The following CASK variants were observed in gnomAD, a reference collection of about 807,000 sequenced individuals.
CASK encodes calcium/calmodulin dependent serine protein kinase.
CASK carries 4 observed loss-of-function variants against 82.9 expected under a neutral mutation model. The ratio of observed to expected loss-of-function variants is 0.05; its 90% CI spans 0.02 to 0.11. The LOEUF (loss-of-function observed/expected upper bound fraction) is 0.11, where lower values mean the gene tolerates loss of function less well. CASK is among the 10% of genes least tolerant of loss of function. CASK has a pLI of 1.00. For synonymous variants in CASK, 259 were observed against 253.5 expected (o/e 1.02, Z -0.20); for missense variants, 358 against 720.9 (o/e 0.50, Z 5.76).
intron 3 of CASK, among the ~76,000 whole-genome samples, chrX:41,752,068 A>AC (rs1261080111): frequency 1.0e-5 from 1 of 99,756 alleles, no homozygotes; most frequent in Non-Finnish European, 2.1e-5. Context: ...AAAAAAACAC[A>AC]AAAAAAAAAC....
chrX:41,884,388 A>C (rs2072010689), intron 1 of CASK, among the ~76,000 whole-genome samples: 1 of 111,914 alleles, frequency 8.9e-6, no homozygotes, highest in Non-Finnish European at 1.9e-5. Flanking sequence ...TCAAAGACTT[A>C]AAAGTTGGAT....
intron 2 of CASK, among the ~76,000 whole-genome samples, chrX:41,816,928 C>T (rs1320547096): frequency 1.8e-5 from 2 of 111,717 alleles, no homozygotes; most frequent in African/African-American, 3.2e-5. Context: ...ACCACATCTA[C>T]ACAAACCTTT....
At chrX:41,681,463 C>T (rs2067353349) in intron 5 of CASK, among the ~76,000 whole-genome samples, 1 of 111,919 alleles carries the variant, frequency 8.9e-6, no homozygotes, top group Non-Finnish European at 1.9e-5. Context: ...GTTGCTGTTG[C>T]AGTGAGCTCA....
chrX:41,881,234 C>A (rs1273289498), intron 1 of CASK, among the ~76,000 whole-genome samples: 1 of 111,653 alleles, frequency 9.0e-6, no homozygotes, highest in Non-Finnish European at 1.9e-5. Context: ...AAGCACAAGA[C>A]TGCAGTATAC....
In CASK at chrX:41,581,209, G is replaced by A. The variant is rs183568248; in HGVS notation, c.1315-2681C>T. On this transcript the variant is annotated intron_variant, in intron 14 of 26. Coordinates refer to ENST00000378163, the MANE Select transcript of CASK (RefSeq NM_001367721.1). ...GTCTGGGCAACAAAGTGAGACCCCC[G>A]TCTCTACAAAAAATAAAAAAAAGTA... 6.5e-4 allele frequency among the ~76,000 whole-genome samples: 71 copies of A among 109,998 alleles called. 1 individual carries two copies. Among genetic ancestry groups the A allele is most frequent in the Non-Finnish European group, 2.1e-4 (11 of 52,683 alleles).
At chrX:41,758,210 G>A (rs757186502) in intron 3 of CASK, among the ~76,000 whole-genome samples, 2 of 110,966 alleles carry the variant, frequency 1.8e-5, no homozygotes, top group South Asian at 3.8e-4. Context: ...CCAGGCGGGC[G>A]GATAGCCTGA....
At chrX:41,573,518 T>A (rs6609150) in intron 15 of CASK, among the ~76,000 whole-genome samples, 1,953 of 111,536 alleles carry the variant, frequency 0.018, 38 homozygotes, top group African/African-American at 0.06. Context: ...AAATTCTTTT[T>A]CTTGCTGTGT....
intron 5 of CASK, among the ~76,000 whole-genome samples, chrX:41,682,831 T>C (rs1361454771): frequency 2.7e-5 from 3 of 109,874 alleles, no homozygotes; most frequent in Non-Finnish European, 5.7e-5. Flanking sequence ...CCCAGGCTCA[T>C]CTCAAACTCC....
chrX:41,783,446 G>A (rs1385255465), intron 3 of CASK, among the ~76,000 whole-genome samples: 2 of 107,848 alleles, frequency 1.9e-5, no homozygotes, highest in Non-Finnish European at 3.8e-5. Context: ...GTGCCTGGGA[G>A]GCTGAGGGAG....
intron 2 of CASK, among the ~76,000 whole-genome samples, chrX:41,850,373 T>G (rs893759477): frequency 9.0e-6 from 1 of 110,894 alleles, no homozygotes; most frequent in Non-Finnish European, 1.9e-5. Flanking sequence ...AGATAACCCT[T>G]TAAAGACCTA....
chrX:41,577,835 T>C (rs1006540156), intron 15 of CASK, among the ~76,000 whole-genome samples: 3 of 111,747 alleles, frequency 2.7e-5, no homozygotes, highest in African/African-American at 9.8e-5. Flanking sequence ...AATTGATTCA[T>C]ATTAAGTAGG....
At chrX:41,524,072 G>A in intron 25 of CASK, 38 bp from the exon 26 acceptor site, 3 of 962,698 alleles carry the variant, frequency 3.1e-6, no homozygotes, top group Non-Finnish European at 4.4e-6. Flanking sequence ...CGACTTAAAA[G>A]AAGAAATAAC....
Position 41,650,079 on chromosome X carries a change from C to CT in CASK, c.831+10359dup, listed in dbSNP as rs1015169980. 1.0e-4 allele frequency among the ~76,000 whole-genome samples: 11 copies of CT among 109,418 alleles called. No individual in the cohort carries two copies. In the South Asian group the frequency reaches 2.0e-3, roughly 19 times the overall value. ...TCAGAGACTAGGATTGCAACCCCTG[C>CT]TTTTTTTTTGTTTTCCATTTGCTTG... On this transcript the variant is annotated intron_variant, in intron 8 of 26. Coordinates refer to ENST00000378163, the MANE Select transcript of CASK (RefSeq NM_001367721.1).
At chrX:41,844,905 C>T (rs1318537598) in intron 2 of CASK, among the ~76,000 whole-genome samples, 1 of 111,901 alleles carries the variant, frequency 8.9e-6, no homozygotes, top group African/African-American at 3.2e-5. Flanking sequence ...TCATTCATCT[C>T]AGAGTATTTT....
chrX:41,909,488 C>T (rs1041970145), intron 1 of CASK, among the ~76,000 whole-genome samples: 2 of 111,990 alleles, frequency 1.8e-5, no homozygotes, highest in Non-Finnish European at 3.8e-5. Flanking sequence ...ATGTTCTGAG[C>T]CCTATAAGGA....
At chrX:41,555,733 G>A (rs1332578966) in intron 19 of CASK, 98 bp from the exon 20 acceptor site, 2 of 630,277 alleles carry the variant, frequency 3.2e-6, no homozygotes, top group African/African-American at 4.4e-5. Flanking sequence ...AAAAAAATGA[G>A]CTAGATTTAA....
chrX:41,891,128 G>A (rs762789067), intron 1 of CASK, among the ~76,000 whole-genome samples: 10 of 109,597 alleles, frequency 9.1e-5, no homozygotes, highest in Non-Finnish European at 1.9e-4. Flanking sequence ...GACCTCAAGC[G>A]ATCTGCCCAC....
At chrX:41,894,504 GC>G (rs2072235012) in intron 1 of CASK, among the ~76,000 whole-genome samples, 1 of 108,097 alleles carries the variant, frequency 9.3e-6, no homozygotes, top group South Asian at 4.1e-4. Context: ...CATGTGCTAA[GC>G]ACTGGATGCA....
At chrX:41,832,101 T>G (rs998845200) in intron 2 of CASK, among the ~76,000 whole-genome samples, 4 of 110,011 alleles carry the variant, frequency 3.6e-5, no homozygotes, top group Admixed American at 9.6e-5. Context: ...AGGCTTAAAC[T>G]CTCTAGATTC....
Sources: allele counts gnomAD v4.1 joint callset (sites outside exome capture counted in the v4.1 genomes callset), GRCh38; gene constraint gnomAD v4.1.1; transcripts MANE v1.5; gene names NCBI Gene and HGNC (gene_info 2026-07-23, HGNC 2026-07-21).